ACAD9: variants seen among roughly 807,000 people sequenced by gnomAD.
The protein encoded by ACAD9 is complex I assembly factor ACAD9, mitochondrial.
Under a neutral mutation model 70.2 loss-of-function variants are expected in ACAD9, and 53 were observed. The ratio of observed to expected loss-of-function variants is 0.75; its 90% CI spans 0.61 to 0.95. The LOEUF (loss-of-function observed/expected upper bound fraction) is 0.95, where lower values mean the gene tolerates loss of function less well. Among genes scored for constraint, ACAD9 ranks in the 40% least tolerant of loss-of-function variants. ACAD9 has a pLI of 0.00. For missense variants in ACAD9, 777 were observed against 802.8 expected (o/e 0.97, Z 0.39); for synonymous variants, 313 against 312.1 (o/e 1.00, Z -0.03).
Position 128,909,417 on chromosome 3 carries a change from G to A in ACAD9, c.1559G>A (p.Gly520Asp), listed in dbSNP as rs749996336. The change falls in exon 15 of 18, where the codon GGC (glycine) becomes GAC (aspartate). Residue 520 changes from glycine to aspartate, a missense_variant. Coordinates refer to ENST00000308982, the MANE Select transcript of ACAD9 (RefSeq NM_014049.5). Reference protein sequence around the residue: ...RTVETLLLRFGKTIMEEQLVL... With the variant: ...RTVETLLLRFDKTIMEEQLVL... The stretch of plus-strand genomic sequence containing the variant: ...GTGGAGACACTGCTGCTCCGCTTTG[G>A]CAAGGTAACCAGGCCCTCCCAGGCC... 1 of 1,614,068 alleles carries A rather than the reference G, an allele frequency of 6.2e-7. No homozygotes were observed. Among genetic ancestry groups the A allele is most frequent in the South Asian group, 1.1e-5 (1 of 91,074 alleles).
At chr3:128,885,376 G>A (rs1462017941) in intron 2 of ACAD9, among the ~76,000 whole-genome samples, 3 of 152,024 alleles carry the variant, frequency 2.0e-5, no homozygotes, top group Admixed American at 6.5e-5. Context: ...GCCATCTTAG[G>A]GGTTATTTTA....
At chr3:128,888,967 A>T (rs1306944911) in intron 2 of ACAD9, among the ~76,000 whole-genome samples, 1 of 150,944 alleles carries the variant, frequency 6.6e-6, no homozygotes, top group Admixed American at 6.6e-5. Flanking sequence ...CTGTCATGTG[A>T]CACATAATGA....
At position 128,901,288 on chromosome 3, in the gene ACAD9, AT is replaced by A. The variant is rs2107655510; in HGVS notation, c.825del (p.Phe275LeufsTer23). ...GIRGSNTCEVHFENTKIPVEN... is the reference protein window; with the variant it reads ...GIRGSNTCEVXFENTKIPVEN... Reference sequence around the variant, plus strand: ...TCATGTGTTTCAGCTTGTGAAGTCCATTTTGAAAACACCAAGATACCTGTGG... The same window carrying A: ...TCATGTGTTTCAGCTTGTGAAGTCCATTTGAAAACACCAAGATACCTGTGG... On this transcript the variant is annotated frameshift_variant, in exon 8 of 18. Transcript: ENST00000308982. LOFTEE classifies it high-confidence loss of function. 1 of 1,614,092 alleles carries A rather than the reference AT, an allele frequency of 6.2e-7. No homozygotes were observed. Among genetic ancestry groups the A allele is most frequent in the Non-Finnish European group, 8.5e-7 (1 of 1,179,962 alleles).
intron 17 of ACAD9, among the ~76,000 whole-genome samples, chr3:128,911,589 C>T (rs1936327828): frequency 1.3e-5 from 2 of 152,072 alleles, no homozygotes; most frequent in Non-Finnish European, 2.9e-5. Context: ...AGGCACGCAC[C>T]ACCATGCCCA....
intron 9 of ACAD9, 56 bp from the exon 10 acceptor site, chr3:128,904,006 C>T: frequency 6.3e-7 from 1 of 1,575,794 alleles, no homozygotes; most frequent in Non-Finnish European, 8.7e-7. Context: ...CATAGGAAAT[C>T]ATGTTTGAAC....
Position 128,879,684 on chromosome 3 carries a change from C to A in ACAD9, c.-8C>A, listed in dbSNP as rs764419889. 1 of 1,612,148 alleles carries A rather than the reference C, an allele frequency of 6.2e-7. No homozygotes were observed. Among genetic ancestry groups the A allele is most frequent in the Admixed American group, 1.7e-5 (1 of 59,996 alleles). The stretch of plus-strand genomic sequence containing the variant: ...GACTGAGGCTGAGGCTGGGGAACAT[C>A]GGGCAGCATGAGCGGCTGCGGGCTC... On this transcript the variant is annotated 5_prime_UTR_variant, in exon 1 of 18. Transcript: ENST00000308982.
At chr3:128,885,882 T>G (rs1935229361) in intron 2 of ACAD9, among the ~76,000 whole-genome samples, 3 of 151,706 alleles carry the variant, frequency 2.0e-5, no homozygotes. Context: ...CCGGGCATGG[T>G]GGCGGGTGCC....
chr3:128,901,130 C>T, intron 7 of ACAD9, 146 bp from the exon 8 acceptor site: 1 of 778,138 alleles, frequency 1.3e-6, no homozygotes, highest in South Asian at 1.5e-5. Context: ...TGAGCCTCCA[C>T]AAAGATAGGA....
At chr3:128,885,325 T>TAATAGTA (rs1272029730) in intron 2 of ACAD9, among the ~76,000 whole-genome samples, 1 of 152,238 alleles carries the variant, frequency 6.6e-6, no homozygotes, top group African/African-American at 2.4e-5. Flanking sequence ...AGTAGGATCC[T>TAATAGTA]GGAGAGCTTT....
chr3:128,906,336 C>G (rs568152104), intron 12 of ACAD9, 87 bp downstream of exon 12: 2 of 1,583,754 alleles, frequency 1.3e-6, no homozygotes, highest in Admixed American at 3.4e-5. Flanking sequence ...GCAGAGGCCC[C>G]CGCAGCCCAG....
intron 15 of ACAD9, chr3:128,909,722 T>A (rs1272904365): frequency 1.7e-6 from 1 of 600,166 alleles, no homozygotes; most frequent in Non-Finnish European, 2.9e-6. Context: ...GGGACCTGAT[T>A]GGTGGGGCCC....
intron 2 of ACAD9, among the ~76,000 whole-genome samples, chr3:128,888,837 C>CT (rs1439095320): frequency 2.7e-5 from 4 of 148,650 alleles, no homozygotes; most frequent in East Asian, 2.0e-4. Context: ...CTATTTGTAT[C>CT]TTTTTTTAGC....
intron 2 of ACAD9, among the ~76,000 whole-genome samples, chr3:128,891,010 T>A (rs1228538515): frequency 2.0e-5 from 3 of 151,878 alleles, no homozygotes; most frequent in Non-Finnish European, 4.4e-5. Context: ...CCCGGCTAAT[T>A]TTTATATTTT....
At position 128,910,121 on chromosome 3, in the gene ACAD9, G is replaced by C; in HGVS notation, c.1664G>C (p.Arg555Pro). ...CTGTCGCGGGCCAGCCGCTCCATCC[G>C]CATTGGGCTCCGCAACCACGACCAC... ...AVLSRASRSI[R>P]IGLRNHDHEV... Residue 555 changes from arginine to proline, a missense_variant, in exon 16 of 18, where the codon CGC becomes CCC. Coordinates refer to ENST00000308982, the MANE Select transcript of ACAD9 (RefSeq NM_014049.5). The C allele has an allele frequency of 6.2e-7, 1 of 1,614,012 alleles. No homozygotes were observed. The highest frequency in any genetic ancestry group is 8.5e-7 in the Non-Finnish European group (1 of 1,180,032).
chr3:128,909,823 A>T, intron 15 of ACAD9, 198 bp from the exon 16 acceptor site: 1 of 758,176 alleles, frequency 1.3e-6, no homozygotes, highest in Non-Finnish European at 2.2e-6. Flanking sequence ...CCCCTCCCTG[A>T]ATCTAGAGCT....
chr3:128,906,118 C>T lies in ACAD9; in HGVS notation c.1150-3C>T. 6.2e-7 allele frequency: 1 copy of T among 1,614,182 alleles called. No individual in the cohort carries two copies. Among genetic ancestry groups the T allele is most frequent in the South Asian group, 1.1e-5 (1 of 91,090 alleles). ...GGAAAGGATTCAGTGTGACACCCCA[C>T]AGGTGTTCAGCTCCGAGGCCGCCTG... On this transcript the variant is annotated splice_polypyrimidine_tract_variant and splice_region_variant and intron_variant, in intron 11 of 17. Coordinates refer to ENST00000308982, the MANE Select transcript of ACAD9 (RefSeq NM_014049.5).
intron 1 of ACAD9, among the ~76,000 whole-genome samples, chr3:128,884,030 TC>T (rs1393677535): frequency 6.6e-6 from 1 of 152,126 alleles, no homozygotes; most frequent in Admixed American, 6.5e-5. Context: ...AGCCCAAAAG[TC>T]CAGAGGGGCT....
At chr3:128,908,368 C>T in intron 13 of ACAD9, 104 bp downstream of exon 13, 2 of 1,376,296 alleles carry the variant, frequency 1.5e-6, no homozygotes, top group Admixed American at 3.4e-5. Context: ...GGAGTGGGGG[C>T]ATGGGGGTGT....
At chr3:128,903,528 GCTT>G (rs1297430659) in intron 9 of ACAD9, among the ~76,000 whole-genome samples, 5 of 152,150 alleles carry the variant, frequency 3.3e-5, no homozygotes, top group African/African-American at 4.8e-5. Context: ...GGGCGGGGGT[GCTT>G]CTGCCTGGGA....
Sources: gnomAD v4.1 joint callset for allele counts (sites outside exome capture counted in the v4.1 genomes callset) on GRCh38, gnomAD v4.1.1 for gene constraint, MANE v1.5 for transcripts, NCBI Gene and HGNC (gene_info 2026-07-23, HGNC 2026-07-21) for gene names.